TRPM3: variants seen among roughly 807,000 people sequenced by gnomAD.
TRPM3 encodes the protein long transient receptor potential channel 3.
Under a neutral mutation model 181.2 loss-of-function variants are expected in TRPM3, and 77 were observed. The observed-to-expected ratio is 0.42, with a 90% CI of 0.35 to 0.51. The LOEUF (loss-of-function observed/expected upper bound fraction) is 0.51, where lower values mean the gene tolerates loss of function less well. Among genes scored for constraint, TRPM3 ranks in the 20% least tolerant of loss-of-function variants. The pLI is 0.01. For synonymous variants in TRPM3, 745 were observed against 796.4 expected (o/e 0.94, Z 1.09); for missense variants, 1,759 against 2,196.7 (o/e 0.80, Z 3.98).
intron 1 of TRPM3, among the ~76,000 whole-genome samples, chr9:70,991,105 C>T (rs2097479679): frequency 6.6e-6 from 1 of 152,150 alleles, no homozygotes. Context: ...TTCCTTCAGC[C>T]TCAAAATATC....
intron 9 of TRPM3, among the ~76,000 whole-genome samples, chr9:70,648,203 G>T (rs554437207): frequency 4.0e-4 from 61 of 152,304 alleles, no homozygotes; most frequent in Middle Eastern, 6.8e-3. Flanking sequence ...GGCCAGGTTT[G>T]GTGGCTTATG....
chr9:71,445,376 A>T (rs2094189777), intron 1 of TRPM3, among the ~76,000 whole-genome samples: 1 of 152,220 alleles, frequency 6.6e-6, no homozygotes, highest in Non-Finnish European at 1.5e-5. Context: ...TTTGTAAAAA[A>T]TATTTTCGAG....
At chr9:70,967,957 T>C (rs1012182203) in intron 1 of TRPM3, among the ~76,000 whole-genome samples, 10 of 152,168 alleles carry the variant, frequency 6.6e-5, no homozygotes, top group Admixed American at 4.6e-4. Flanking sequence ...ATTGTGAGAC[T>C]GATATGTCCT....
intron 1 of TRPM3, among the ~76,000 whole-genome samples, chr9:71,307,984 T>C (rs934361427): frequency 1.3e-5 from 2 of 151,628 alleles, no homozygotes; most frequent in Non-Finnish European, 2.9e-5. Context: ...CTTTTTTTTT[T>C]TTTGAGATGG....
intron 1 of TRPM3, among the ~76,000 whole-genome samples, chr9:71,394,606 G>C (rs2093145305): frequency 6.6e-6 from 1 of 152,150 alleles, no homozygotes; most frequent in African/African-American, 2.4e-5. Context: ...ACCAATTTCA[G>C]TAACTTATAT....
At chr9:71,224,898 G>A (rs2080488923) in intron 1 of TRPM3, among the ~76,000 whole-genome samples, 1 of 152,088 alleles carries the variant, frequency 6.6e-6, no homozygotes, top group African/African-American at 2.4e-5. Flanking sequence ...TTAAAGACAG[G>A]TATCTGAAAA....
chr9:70,837,580 T>G (rs993285176), intron 5 of TRPM3, among the ~76,000 whole-genome samples: 3 of 152,216 alleles, frequency 2.0e-5, no homozygotes, highest in Non-Finnish European at 2.9e-5. Flanking sequence ...AGACAAACAA[T>G]CAAGCCTTCA....
At chr9:70,639,444 A>C (rs1242984128) in intron 10 of TRPM3, among the ~76,000 whole-genome samples, 1 of 152,134 alleles carries the variant, frequency 6.6e-6, no homozygotes, top group Non-Finnish European at 1.5e-5. Context: ...TCTTCCCTGA[A>C]TCTCTTGTTC....
At chr9:71,134,547 T>C (rs1373181932) in intron 1 of TRPM3, among the ~76,000 whole-genome samples, 15 of 31,736 alleles carry the variant, frequency 4.7e-4, no homozygotes, top group Non-Finnish European at 8.3e-5. Flanking sequence ...CAATGCTCCA[T>C]CTCAAAAAAA....
At chr9:71,349,643 C>T (rs1306294833) in intron 1 of TRPM3, among the ~76,000 whole-genome samples, 1 of 152,146 alleles carries the variant, frequency 6.6e-6, no homozygotes, top group Non-Finnish European at 1.5e-5. Flanking sequence ...TTTCATAGGT[C>T]CATTTTAAAA....
At chr9:70,595,022 T>G (rs535816310) in intron 21 of TRPM3, among the ~76,000 whole-genome samples, 4 of 152,346 alleles carry the variant, frequency 2.6e-5, no homozygotes, top group African/African-American at 9.6e-5. Flanking sequence ...TATTCTTGAC[T>G]GATAAATGAA....
chr9:71,061,301 G>T (rs1341226908), intron 1 of TRPM3, among the ~76,000 whole-genome samples: 1 of 152,104 alleles, frequency 6.6e-6, no homozygotes, highest in Non-Finnish European at 1.5e-5. Flanking sequence ...AAAAGATAGA[G>T]ATAACTTACT....
intron 1 of TRPM3, among the ~76,000 whole-genome samples, chr9:71,106,202 T>C (rs1333836092): frequency 6.6e-6 from 1 of 152,176 alleles, no homozygotes; most frequent in African/African-American, 2.4e-5. Flanking sequence ...GTTTTCCTTT[T>C]GCTCAGTGAT....
chr9:70,907,715 C>A (rs1184756052), intron 1 of TRPM3, among the ~76,000 whole-genome samples: 1 of 152,176 alleles, frequency 6.6e-6, no homozygotes. Context: ...TTTATCCCCC[C>A]TTTTCAGGAT....
At chr9:70,929,057 A>G (rs2096749035) in intron 1 of TRPM3, among the ~76,000 whole-genome samples, 1 of 152,230 alleles carries the variant, frequency 6.6e-6, no homozygotes, top group South Asian at 2.1e-4. Context: ...TGTTCAAGGC[A>G]GAAAGGATTC....
intron 1 of TRPM3, among the ~76,000 whole-genome samples, chr9:71,074,509 CT>C (rs1395143252): frequency 6.6e-6 from 1 of 152,182 alleles, no homozygotes; most frequent in African/African-American, 2.4e-5. Flanking sequence ...CCTGCTCTCT[CT>C]TTAGCGAGGT....
At chr9:70,749,767 A>G (rs1244364373) in intron 8 of TRPM3, among the ~76,000 whole-genome samples, 1 of 152,226 alleles carries the variant, frequency 6.6e-6, no homozygotes, top group Non-Finnish European at 1.5e-5. Context: ...TTCGTGCTTT[A>G]TTTAATTTTT....
At chr9:71,273,165 T>A (rs745695599) in intron 1 of TRPM3, among the ~76,000 whole-genome samples, 2 of 152,114 alleles carry the variant, frequency 1.3e-5, no homozygotes, top group Non-Finnish European at 2.9e-5. Context: ...GCCCAGCCTA[T>A]TAAAGCATTT....
chr9:70,880,706 C>A lies in TRPM3; in HGVS notation c.178-16195G>T, dbSNP rs191077095. The stretch of plus-strand genomic sequence containing the variant: ...GTTCTTAGATGGCACATCTATACTG[C>A]TCTGCTCATTAACATTTAAGACCTC... On this transcript the variant is annotated intron_variant, in intron 1 of 25. Coordinates refer to ENST00000677713, the MANE Select transcript of TRPM3 (RefSeq NM_001366145.2). 7.9e-5 allele frequency among the ~76,000 whole-genome samples: 12 copies of A among 152,206 alleles called. No homozygotes were observed. The East Asian group carries it at 2.3e-3, about 29-fold the overall frequency.
Sources: gnomAD v4.1 joint callset for allele counts (sites outside exome capture counted in the v4.1 genomes callset) on GRCh38, gnomAD v4.1.1 for gene constraint, MANE v1.5 for transcripts, NCBI Gene and HGNC (gene_info 2026-07-23, HGNC 2026-07-21) for gene names.